Variants in FOXJ3 observed in about 807,000 individuals in gnomAD.
FOXJ3 encodes the protein forkhead box J3, also known as forkhead box protein J3.
A neutral mutation model predicts 76.1 loss-of-function variants in FOXJ3; 22 were observed. That is an observed-to-expected ratio of 0.29 (90% CI 0.21 to 0.41). The LOEUF (loss-of-function observed/expected upper bound fraction) is 0.41. Among genes scored for constraint, FOXJ3 ranks in the 10% least tolerant of loss-of-function variants. The probability of loss-of-function intolerance (pLI) is 1.00; values close to 1 mark genes in which losing one functional copy is unlikely to be tolerated. For missense variants in FOXJ3, 613 were observed against 762.1 expected, an observed-to-expected ratio of 0.80 and a Z score of 2.30; for synonymous variants, 269 against 261.2, an observed-to-expected ratio of 1.03 and a Z score of -0.29.
intron 2 of FOXJ3, among the ~76,000 whole-genome samples, chr1:42,297,814 G>C (rs956916540): frequency 6.6e-6 from 1 of 152,116 alleles, no homozygotes; most frequent in Non-Finnish European, 1.5e-5. Flanking sequence ...TTTGTAGAAT[G>C]AGTTAGAAAG....
At chr1:42,244,154 T>C (rs558326009) in intron 4 of FOXJ3, among the ~76,000 whole-genome samples, 86 of 152,044 alleles carry the variant, frequency 5.7e-4, no homozygotes, top group African/African-American at 2.0e-3. Context: ...CCAAAACCTA[T>C]GGAGTATAGC....
Position 42,184,011 on chromosome 1 carries a change from G to C in FOXJ3, c.1646-1987C>G, listed in dbSNP as rs566482089. 1.8e-4 allele frequency among the ~76,000 whole-genome samples: 27 copies of C among 152,160 alleles called. 1 individual carries two copies. Among genetic ancestry groups the C allele is most frequent in the African/African-American group, 6.0e-4 (25 of 41,482 alleles). ...ACTGACTGACCATACTGATGATTTA[G>C]AAAGAAAAAAGAGGAGAAAAGTTAT... On this transcript the variant is annotated intron_variant, in intron 11 of 12. Transcript: ENST00000361346.
At chr1:42,240,643 GA>G (rs1231096283) in intron 4 of FOXJ3, among the ~76,000 whole-genome samples, 1 of 152,104 alleles carries the variant, frequency 6.6e-6, no homozygotes, top group Non-Finnish European at 1.5e-5. Flanking sequence ...CTGGTGCCAG[GA>G]AAATGGTCCA....
intron 1 of FOXJ3, among the ~76,000 whole-genome samples, chr1:42,320,023 T>C (rs908282827): frequency 3.9e-5 from 6 of 152,112 alleles, no homozygotes; most frequent in African/African-American, 1.4e-4. Flanking sequence ...ACTACCACTA[T>C]CTACAAATCG....
intron 2 of FOXJ3, among the ~76,000 whole-genome samples, chr1:42,284,156 C>T (rs1402795970): frequency 6.6e-6 from 1 of 152,050 alleles, no homozygotes; most frequent in African/African-American, 2.4e-5. Flanking sequence ...GAATGTAGTT[C>T]CTAACATAGA....
chr1:42,329,413 G>C (rs994649257), intron 1 of FOXJ3, among the ~76,000 whole-genome samples: 3 of 152,218 alleles, frequency 2.0e-5, no homozygotes, highest in Non-Finnish European at 4.4e-5. Flanking sequence ...TGCCAATTAA[G>C]ATGGTCAAAT....
chr1:42,248,101 T>C (rs1412050989), intron 4 of FOXJ3, among the ~76,000 whole-genome samples: 4 of 152,170 alleles, frequency 2.6e-5, no homozygotes, highest in African/African-American at 4.8e-5. Flanking sequence ...TGCCAGGAAC[T>C]TGAGATGGTG....
At chr1:42,300,590 A>T (rs1458860602) in intron 2 of FOXJ3, among the ~76,000 whole-genome samples, 1 of 152,108 alleles carries the variant, frequency 6.6e-6, no homozygotes, top group Admixed American at 6.5e-5. Context: ...AGTTTGAGCA[A>T]CACAGCAAAA....
At chr1:42,306,688 T>C (rs1389975234) in intron 2 of FOXJ3, among the ~76,000 whole-genome samples, 1 of 152,116 alleles carries the variant, frequency 6.6e-6, no homozygotes, top group Non-Finnish European at 1.5e-5. Context: ...ATCCAGACTC[T>C]TATCACCCAA....
At chr1:42,306,579 G>A (rs952759666) in intron 2 of FOXJ3, among the ~76,000 whole-genome samples, 6 of 152,064 alleles carry the variant, frequency 3.9e-5, no homozygotes, top group African/African-American at 1.4e-4. Flanking sequence ...TGGGATTACA[G>A]GCATGAGCCA....
intron 4 of FOXJ3, among the ~76,000 whole-genome samples, chr1:42,256,717 TA>T (rs1191617177): frequency 6.6e-6 from 1 of 152,258 alleles, no homozygotes; most frequent in Non-Finnish European, 1.5e-5. Context: ...TCTGACCCAG[TA>T]ATTCTATCCT....
chr1:42,284,138 T>C (rs115101917), intron 2 of FOXJ3, among the ~76,000 whole-genome samples: 607 of 152,320 alleles, frequency 4.0e-3, no homozygotes, highest in Non-Finnish European at 6.7e-3. Flanking sequence ...GAGTCTCTAT[T>C]AGCAGATGAA....
upstream of FOXJ3, chr1:42,335,394 C>T (rs1383423478): frequency 1.3e-5 from 2 of 152,262 alleles, 1 homozygote; most frequent in African/African-American, 4.8e-5. Flanking sequence ...CTGAGACTCC[C>T]GAGGCTCTGC....
intron 11 of FOXJ3, among the ~76,000 whole-genome samples, chr1:42,187,161 T>C (rs1401384827): frequency 6.6e-6 from 1 of 151,420 alleles, no homozygotes; most frequent in African/African-American, 2.5e-5. Flanking sequence ...ACTGCCTTCT[T>C]CTAACACTGA....
intron 2 of FOXJ3, among the ~76,000 whole-genome samples, chr1:42,286,618 C>T (rs956034351): frequency 6.6e-6 from 1 of 152,168 alleles, no homozygotes; most frequent in African/African-American, 2.4e-5. Context: ...GAAGTTCATA[C>T]TCTTCAGGGT....
intron 4 of FOXJ3, among the ~76,000 whole-genome samples, chr1:42,247,112 C>T (rs927346264): frequency 9.9e-5 from 15 of 151,966 alleles, no homozygotes; most frequent in African/African-American, 3.6e-4. Context: ...GGTAGACTGG[C>T]TATAATTATC....
At chr1:42,283,633 C>T (rs1480457377) in intron 2 of FOXJ3, among the ~76,000 whole-genome samples, 4 of 152,204 alleles carry the variant, frequency 2.6e-5, no homozygotes, top group Admixed American at 6.5e-5. Flanking sequence ...CGGCACATGG[C>T]ATTTCATCTT....
rs573963401 is a variant in FOXJ3 at position 42,325,214 on chromosome 1, T to C, written c.-18+9845A>G. Among the ~76,000 whole-genome samples, 25 of 152,356 alleles carry C rather than the reference T, an allele frequency of 1.6e-4. No individual in the cohort carries two copies. In the South Asian group the frequency reaches 5.2e-3, roughly 32 times the overall value. On this transcript the variant is annotated intron_variant, in intron 1 of 12. Transcript: ENST00000361346. ...AAAGCAAACCTGAATGCCCAGGTCATCTACCTCAGTAACAATTGCTCATTA... is the reference window on the plus strand; with the variant it reads ...AAAGCAAACCTGAATGCCCAGGTCACCTACCTCAGTAACAATTGCTCATTA...
chr1:42,219,105 TCA>T (rs1413347652), intron 5 of FOXJ3, among the ~76,000 whole-genome samples: 55 of 152,366 alleles, frequency 3.6e-4, no homozygotes, highest in African/African-American at 1.3e-3. Flanking sequence ...TTCTGCAGTT[TCA>T]GTTTCCTGTG....
Sources: allele counts gnomAD v4.1 joint callset (sites outside exome capture counted in the v4.1 genomes callset), GRCh38; gene constraint gnomAD v4.1.1; transcripts MANE v1.5; gene names NCBI Gene and HGNC (gene_info 2026-07-23, HGNC 2026-07-21).